ZMIZ1: variants seen among roughly 807,000 people sequenced by gnomAD.
The protein encoded by ZMIZ1 is zinc finger MIZ domain-containing protein 1.
Under a neutral mutation model 113.9 loss-of-function variants are expected in ZMIZ1, and 17 were observed. The ratio of observed to expected loss-of-function variants is 0.15; its 90% CI spans 0.10 to 0.22. The LOEUF is 0.22. Among genes scored for constraint, ZMIZ1 ranks in the 10% least tolerant of loss-of-function variants. The pLI is 1.00. For synonymous variants in ZMIZ1, 607 were observed against 603.1 expected (o/e 1.01, Z -0.09); for missense variants, 1,059 against 1,477.8 (o/e 0.72, Z 4.65).
chr10:79,119,268 C>T (rs1252639361), intron 2 of ZMIZ1, among the ~76,000 whole-genome samples: 1 of 152,198 alleles, frequency 6.6e-6, no homozygotes. Flanking sequence ...GCTGCCAACT[C>T]CCAGTATCGC....
At chr10:79,302,702 TTTTGA>T (rs1424446595) in intron 18 of ZMIZ1, among the ~76,000 whole-genome samples, 1 of 135,116 alleles carries the variant, frequency 7.4e-6, no homozygotes, top group African/African-American at 2.7e-5. Context: ...TTTTTTTTTT[TTTTGA>T]GAGAGAGAGA....
intron 8 of ZMIZ1, among the ~76,000 whole-genome samples, chr10:79,287,459 C>A (rs1358661286): frequency 6.6e-6 from 1 of 152,280 alleles, no homozygotes; most frequent in Non-Finnish European, 1.5e-5. Context: ...CCCCAGAAAT[C>A]ACGAGCAGCG....
chr10:79,213,734 CTT>C (rs777278020), intron 6 of ZMIZ1, among the ~76,000 whole-genome samples: 20 of 152,216 alleles, frequency 1.3e-4, no homozygotes, highest in Non-Finnish European at 2.2e-4. Flanking sequence ...AGAAAGAAGT[CTT>C]AGCACAGAAA....
At chr10:79,309,884 G>A (rs1053402890) in intron 23 of ZMIZ1, among the ~76,000 whole-genome samples, 21 of 152,342 alleles carry the variant, frequency 1.4e-4, no homozygotes, top group South Asian at 4.1e-4. Context: ...CTGGCAGAGC[G>A]AAAGTGGGGC....
At chr10:79,206,872 AAGG>A (rs1848338300) in intron 5 of ZMIZ1, among the ~76,000 whole-genome samples, 1 of 152,192 alleles carries the variant, frequency 6.6e-6, no homozygotes, top group Non-Finnish European at 1.5e-5. Flanking sequence ...ACTTCCATGG[AAGG>A]AGGACATTCT....
chr10:79,238,313 CAAATGCAGACTTCTGG>C (rs1345581375), intron 7 of ZMIZ1, among the ~76,000 whole-genome samples: 1 of 152,136 alleles, frequency 6.6e-6, no homozygotes, highest in Non-Finnish European at 1.5e-5. Flanking sequence ...GGGTGGAAGC[CAAATGCAGACTTCTGG>C]GAATGCAGCC....
At chr10:79,154,337 T>C (rs1197175300) in intron 3 of ZMIZ1, among the ~76,000 whole-genome samples, 2 of 152,138 alleles carry the variant, frequency 1.3e-5, no homozygotes, top group Non-Finnish European at 2.9e-5. Flanking sequence ...CATTTAATGC[T>C]GCAGGGCATT....
rs1851810209 is a variant in ZMIZ1, at chr10:79,269,481, A to G, written c.281-7700A>G. Among the ~76,000 whole-genome samples, 3 of 145,618 alleles carry G rather than the reference A, an allele frequency of 2.1e-5. No homozygotes were observed. The Admixed American group carries it at 2.1e-4, about 10-fold the overall frequency. ...AACACACACACACACACACACACAC[A>G]CACACACACTTTCTCTGTTCTCCAG... is the stretch of plus-strand genomic sequence containing the variant. On this transcript the variant is annotated intron_variant, in intron 7 of 24. Transcript: ENST00000334512.
Position 79,311,066 on chromosome 10 carries a change from C to G in ZMIZ1, c.2978C>G (p.Pro993Arg), listed in dbSNP as rs201734007. ...CCTCCTTCCCAGCCTCCCCGGCAGC[C>G]GCCACAGGCCGCTCCCAGCAGCCAT... The part of the protein sequence containing the change: ...PPPPSQPPRQ[P>R]PQAAPSSHPH... The change falls in exon 24 of 25, where the codon CCG becomes CGG. Residue 993 changes from proline (P) to arginine (R), a missense_variant. Pro to Arg is a moderately radical substitution (Grantham distance 103). Coordinates refer to ENST00000334512, the MANE Select transcript of ZMIZ1 (RefSeq NM_020338.4). 9 of 1,613,638 alleles carry G rather than the reference C, an allele frequency of 5.6e-6. No individual in the cohort carries two copies.
At chr10:79,244,378 C>T (rs116187990) in intron 7 of ZMIZ1, among the ~76,000 whole-genome samples, 3,026 of 152,306 alleles carry the variant, frequency 0.02, 97 homozygotes, top group African/African-American at 0.069. Context: ...GAAAGAGCCC[C>T]TTGATAGGGA....
chr10:79,116,690 C>CT lies in ZMIZ1; in HGVS notation c.-336-2225_-336-2224insT, dbSNP rs1564659933. ...TGTCTTTAGTTCCATTGAAGTGTTA[C>CT]ACCCATGCAGAAAAGTGTGTATCTC... On this transcript the variant is annotated intron_variant, in intron 1 of 24. Transcript: ENST00000334512. 4.5e-4 allele frequency among the ~76,000 whole-genome samples: 69 copies of CT among 152,340 alleles called. 1 individual carries two copies. The East Asian group carries it at 0.013, about 29-fold the overall frequency.
At chr10:79,311,385 G>A (rs1855148802) in intron 24 of ZMIZ1, among the ~76,000 whole-genome samples, 1 of 152,174 alleles carries the variant, frequency 6.6e-6, no homozygotes, top group African/African-American at 2.4e-5. Flanking sequence ...CACCCTGCTG[G>A]CTCCTGTCCC....
intron 18 of ZMIZ1, among the ~76,000 whole-genome samples, chr10:79,302,642 G>T (rs918711252): frequency 6.7e-6 from 1 of 148,792 alleles, no homozygotes; most frequent in African/African-American, 2.5e-5. Flanking sequence ...GGCATGGAGG[G>T]TGGATTCCAG....
At chr10:79,159,302 C>T (rs1846016583) in intron 3 of ZMIZ1, among the ~76,000 whole-genome samples, 1 of 152,252 alleles carries the variant, frequency 6.6e-6, no homozygotes, top group South Asian at 2.1e-4. Context: ...CAAGCCCACA[C>T]AGGCTGTGGG....
chr10:79,265,705 C>CAT (rs987571099), intron 7 of ZMIZ1, among the ~76,000 whole-genome samples: 3 of 152,138 alleles, frequency 2.0e-5, no homozygotes, highest in Non-Finnish European at 2.9e-5. Flanking sequence ...GAGTCCAACT[C>CAT]ACAATGCCCC....
At chr10:79,214,923 G>A (rs889604070) in intron 6 of ZMIZ1, among the ~76,000 whole-genome samples, 5 of 152,206 alleles carry the variant, frequency 3.3e-5, no homozygotes, top group African/African-American at 9.7e-5. Flanking sequence ...AAGCCAGAGC[G>A]GCAACAGCTT....
At chr10:79,257,837 A>T (rs1851017367) in intron 7 of ZMIZ1, among the ~76,000 whole-genome samples, 1 of 152,202 alleles carries the variant, frequency 6.6e-6, no homozygotes. Flanking sequence ...TTATGAGACC[A>T]CAAAGGTGAT....
intron 23 of ZMIZ1, among the ~76,000 whole-genome samples, chr10:79,307,855 C>T (rs959431101): frequency 3.3e-5 from 5 of 152,104 alleles, no homozygotes; most frequent in African/African-American, 9.7e-5. Context: ...TGCATGCACT[C>T]GCCACTACCC....
rs1054137396 is a variant in ZMIZ1, at chr10:79,227,550, A to G, written c.280+11276A>G. On this transcript the variant is annotated intron_variant, in intron 7 of 24. Coordinates refer to ENST00000334512, the MANE Select transcript of ZMIZ1 (RefSeq NM_020338.4). Reference sequence around the variant, plus strand: ...TCTCGTTTGACAAAAGGGGATTATAATAATGCCTACATCATAGGTTTTAAG... The same window carrying G: ...TCTCGTTTGACAAAAGGGGATTATAGTAATGCCTACATCATAGGTTTTAAG... Among the ~76,000 whole-genome samples the G allele has an allele frequency of 2.0e-5, 3 of 152,200 alleles. No individual in the cohort carries two copies. The East Asian group carries it at 5.8e-4, about 29-fold the overall frequency.
Sources: gnomAD v4.1 joint callset for allele counts (sites outside exome capture counted in the v4.1 genomes callset) on GRCh38, gnomAD v4.1.1 for gene constraint, MANE v1.5 for transcripts, NCBI Gene and HGNC (gene_info 2026-07-23, HGNC 2026-07-21) for gene names.